Variants in DPP10 observed in about 807,000 individuals in gnomAD.
The protein encoded by DPP10 is dipeptidyl peptidase like 10.
A neutral mutation model predicts 120.9 loss-of-function variants in DPP10; 33 were observed. The observed-to-expected ratio is 0.27, with a 90% confidence interval of 0.21 to 0.37. The LOEUF (loss-of-function observed/expected upper bound fraction) is 0.37. Ranked by LOEUF, DPP10 falls within the 10% of genes least tolerant of loss-of-function variation. The pLI is 1.00. For missense variants in DPP10, 816 were observed against 942.8 expected, an observed-to-expected ratio of 0.87 and a Z score of 1.76; for synonymous variants, 337 against 326.1, an observed-to-expected ratio of 1.03 and a Z score of -0.36.
At chr2:115,005,192 G>T (rs910880278) in intron 1 of DPP10, among the ~76,000 whole-genome samples, 1 of 152,002 alleles carries the variant, frequency 6.6e-6, no homozygotes, top group Admixed American at 6.6e-5. Context: ...AAACAGAAAG[G>T]ACATCCACAC....
chr2:115,718,759 A>G (rs2092569645), intron 7 of DPP10, among the ~76,000 whole-genome samples: 1 of 152,102 alleles, frequency 6.6e-6, no homozygotes, highest in Admixed American at 6.6e-5. Flanking sequence ...GGCCTAGCAC[A>G]TAGGAGGTGC....
chr2:115,137,499 G>T (rs964356037), intron 1 of DPP10, among the ~76,000 whole-genome samples: 1 of 152,198 alleles, frequency 6.6e-6, no homozygotes, highest in African/African-American at 2.4e-5. Flanking sequence ...GAAATGCGTG[G>T]TGCACATCAC....
intron 5 of DPP10, among the ~76,000 whole-genome samples, chr2:115,592,932 A>G (rs978226568): frequency 6.6e-6 from 1 of 152,178 alleles, no homozygotes; most frequent in Non-Finnish European, 1.5e-5. Flanking sequence ...AAATAAATAT[A>G]TTTTTGGATA....
chr2:114,575,237 A>G (rs535433405), intron 1 of DPP10, among the ~76,000 whole-genome samples: 58 of 152,258 alleles, frequency 3.8e-4, no homozygotes, highest in African/African-American at 1.3e-3. Context: ...GACAGGAGAC[A>G]AAAGAATAGC....
intron 1 of DPP10, among the ~76,000 whole-genome samples, chr2:114,801,789 G>A (rs1420221622): frequency 6.6e-6 from 1 of 152,180 alleles, no homozygotes; most frequent in African/African-American, 2.4e-5. Flanking sequence ...TGTGGATCAA[G>A]CACATAGATA....
At chr2:115,682,913 T>C (rs2090753034) in intron 5 of DPP10, among the ~76,000 whole-genome samples, 1 of 151,856 alleles carries the variant, frequency 6.6e-6, no homozygotes, top group South Asian at 2.1e-4. Context: ...CTAATTCTTT[T>C]CCACTGTGAT....
At chr2:115,701,101 C>T (rs561499917) in intron 7 of DPP10, among the ~76,000 whole-genome samples, 3 of 151,920 alleles carry the variant, frequency 2.0e-5, no homozygotes, top group Non-Finnish European at 4.4e-5. Flanking sequence ...TCCTAGAATT[C>T]GTATGAAATT....
At chr2:115,403,381 CT>C (rs78116780) in intron 3 of DPP10, among the ~76,000 whole-genome samples, 258 of 118,154 alleles carry the variant, frequency 2.2e-3, no homozygotes, top group African/African-American at 3.5e-3. Flanking sequence ...TTCTTTCCTT[CT>C]TTTTTTTTTT....
intron 1 of DPP10, among the ~76,000 whole-genome samples, chr2:114,908,397 T>A (rs200995029): frequency 6.6e-6 from 1 of 152,094 alleles, no homozygotes; most frequent in East Asian, 1.9e-4. Context: ...TCCCCCATAC[T>A]ATTTTTTCAT....
intron 1 of DPP10, among the ~76,000 whole-genome samples, chr2:115,171,725 A>G (rs988311628): frequency 1.3e-4 from 19 of 151,872 alleles, no homozygotes; most frequent in African/African-American, 4.4e-4. Context: ...TTAAAAAAAA[A>G]AAACAAAAAA....
chr2:115,468,796 T>G (rs1028709920), intron 3 of DPP10: 1 of 460,352 alleles, frequency 2.2e-6, no homozygotes, highest in South Asian at 1.6e-5. Context: ...CAGACTGGTC[T>G]CAAGGTGTGC....
intron 1 of DPP10, among the ~76,000 whole-genome samples, chr2:114,944,341 T>C (rs530001088): frequency 6.6e-6 from 1 of 152,276 alleles, no homozygotes; most frequent in East Asian, 1.9e-4. Context: ...TTTGGATAAC[T>C]GGTCTAATTT....
At chr2:114,597,484 G>T (rs1198182347) in intron 1 of DPP10, among the ~76,000 whole-genome samples, 2 of 151,936 alleles carry the variant, frequency 1.3e-5, no homozygotes, top group Admixed American at 1.3e-4. Context: ...GTGTTTTACT[G>T]GCAATGACAT....
At chr2:114,536,174 A>G (rs909930765) in intron 1 of DPP10, among the ~76,000 whole-genome samples, 3 of 152,000 alleles carry the variant, frequency 2.0e-5, no homozygotes, top group Non-Finnish European at 2.9e-5. Flanking sequence ...TTGGAGCCCC[A>G]TGATTTTATT....
intron 1 of DPP10, among the ~76,000 whole-genome samples, chr2:115,075,358 G>A (rs1707700343): frequency 6.6e-6 from 1 of 152,186 alleles, no homozygotes; most frequent in South Asian, 2.1e-4. Context: ...GTAAAGGTAC[G>A]ATCAGTGTGT....
intron 7 of DPP10, among the ~76,000 whole-genome samples, chr2:115,720,787 A>C (rs990908878): frequency 6.6e-6 from 1 of 152,202 alleles, no homozygotes; most frequent in Admixed American, 6.5e-5. Flanking sequence ...TCTTAAAGAC[A>C]TTGATAAACT....
intron 1 of DPP10, among the ~76,000 whole-genome samples, chr2:114,637,196 C>T (rs1695364414): frequency 6.6e-6 from 1 of 151,766 alleles, no homozygotes; most frequent in African/African-American, 2.4e-5. Context: ...TGGAATAAAA[C>T]GTTAACACAG....
intron 1 of DPP10, among the ~76,000 whole-genome samples, chr2:115,160,306 G>A (rs188274982): frequency 5.3e-5 from 8 of 152,254 alleles, no homozygotes; most frequent in African/African-American, 1.9e-4. Context: ...TCTTTCTGCT[G>A]GTGATTACTG....
chr2:114,592,042 T>TA (rs1279550883), intron 1 of DPP10, among the ~76,000 whole-genome samples: 1 of 152,154 alleles, frequency 6.6e-6, no homozygotes, highest in African/African-American at 2.4e-5. Flanking sequence ...TTGAGAAACT[T>TA]AGAGAGTCGA....
Sources: gnomAD v4.1 joint callset for allele counts (sites outside exome capture counted in the v4.1 genomes callset) on GRCh38, gnomAD v4.1.1 for gene constraint, MANE v1.5 for transcripts, NCBI Gene and HGNC (gene_info 2026-07-23, HGNC 2026-07-21) for gene names.